The following CRPPA variants were observed in gnomAD, a reference collection of about 807,000 sequenced individuals.
The protein encoded by CRPPA is CDP-L-ribitol pyrophosphorylase A.
CRPPA carries 43 observed loss-of-function variants against 52.0 expected under a neutral mutation model. The ratio of observed to expected loss-of-function variants is 0.83; its 90% CI spans 0.65 to 1.07. The LOEUF is 1.07. Ranked by LOEUF, CRPPA falls within the 50% of genes least tolerant of loss-of-function variation. The pLI, the probability that CRPPA is intolerant of heterozygous loss-of-function variation, is 0.00. For synonymous variants in CRPPA, 250 were observed against 203.5 expected, an observed-to-expected ratio of 1.23 and a Z score of -1.94; for missense variants, 629 against 551.7, an observed-to-expected ratio of 1.14 and a Z score of -1.40.
intron 2 of CRPPA, among the ~76,000 whole-genome samples, chr7:16,401,949 C>T (rs1021482261): frequency 2.0e-5 from 3 of 151,980 alleles, no homozygotes; most frequent in African/African-American, 7.3e-5. Context: ...AGTAAAACAA[C>T]CTGATAGTTA....
At chr7:16,419,331 C>T (rs1406405914) in intron 1 of CRPPA, among the ~76,000 whole-genome samples, 2 of 152,150 alleles carry the variant, frequency 1.3e-5, no homozygotes, top group Non-Finnish European at 2.9e-5. Context: ...TCCTAACTAA[C>T]TCCATCTTGC....
intron 9 of CRPPA, among the ~76,000 whole-genome samples, chr7:16,119,441 A>G (rs951061267): frequency 4.6e-5 from 7 of 152,222 alleles, no homozygotes; most frequent in African/African-American, 1.4e-4. Context: ...ATAAAAAAAC[A>G]AACAAAAAAG....
At chr7:16,372,019 A>AT (rs1362627273) in intron 3 of CRPPA, among the ~76,000 whole-genome samples, 3 of 152,170 alleles carry the variant, frequency 2.0e-5, no homozygotes, top group African/African-American at 7.2e-5. Flanking sequence ...GTAAAAAAAA[A>AT]ATTTTAAAAA....
intron 2 of CRPPA, among the ~76,000 whole-genome samples, chr7:16,403,240 T>A (rs111264650): frequency 0.021 from 3,188 of 152,272 alleles, 48 homozygotes; most frequent in South Asian, 0.066. Flanking sequence ...CCCGAACTTA[T>A]GGAAGCCATC....
intron 9 of CRPPA, 100 bp from the exon 10 acceptor site, chr7:16,091,899 T>G (rs896160440): frequency 1.2e-4 from 74 of 640,240 alleles, no homozygotes; most frequent in South Asian, 3.4e-4. Context: ...CGGTCTGGAT[T>G]TGGCATTTTA....
intron 3 of CRPPA, among the ~76,000 whole-genome samples, chr7:16,342,798 T>TATATAGATATA (rs1491461185): frequency 6.9e-5 from 7 of 101,252 alleles, no homozygotes; most frequent in African/African-American, 4.1e-5. Context: ...TATATATATA[T>TATATAGATATA]CTATATAGAT....
At chr7:16,116,349 G>C (rs1358547052) in intron 9 of CRPPA, among the ~76,000 whole-genome samples, 1 of 152,088 alleles carries the variant, frequency 6.6e-6, no homozygotes, top group Non-Finnish European at 1.5e-5. Flanking sequence ...TTTGCCAAAA[G>C]TACAAAGTCA....
intron 6 of CRPPA, among the ~76,000 whole-genome samples, chr7:16,260,765 G>A (rs1247482834): frequency 9.9e-5 from 15 of 151,862 alleles, no homozygotes; most frequent in African/African-American, 3.6e-4. Flanking sequence ...TCTGCATGTA[G>A]AGAATGAAAA....
At chr7:16,323,059 G>C (rs1785298148) in intron 3 of CRPPA, among the ~76,000 whole-genome samples, 1 of 152,004 alleles carries the variant, frequency 6.6e-6, no homozygotes, top group African/African-American at 2.4e-5. Flanking sequence ...CTTCCACCTG[G>C]TACCGGCCTT....
At chr7:16,385,713 T>C (rs1163471137) in intron 2 of CRPPA, among the ~76,000 whole-genome samples, 1 of 152,164 alleles carries the variant, frequency 6.6e-6, no homozygotes, top group South Asian at 2.1e-4. Flanking sequence ...TAAAAGACAA[T>C]ATAAATGTAT....
chr7:16,421,082 G>A lies in CRPPA; in HGVS notation c.241C>T (p.Leu81=). ...CCGCATTACCTCTCCAGGGCCTGTA[G>A]GGTGTAGCTGATGAGCGGCCTCTCC... ...ILERPLISYT[L]QALERVCWIK... Residue 81 remains leucine, a synonymous_variant, in exon 1 of 10, where the codon CTA becomes TTA. Transcript: ENST00000407010. 1 of 1,293,794 alleles carries A rather than the reference G, an allele frequency of 7.7e-7. No individual in the cohort carries two copies. The highest frequency in any genetic ancestry group is 2.7e-5 in the South Asian group (1 of 37,470). 80.1% of individuals were successfully genotyped at this position (1,293,794 alleles called of 1,614,324 possible). A position where few individuals can be genotyped will look rare whatever the true frequency, so the allele number is the denominator to read the frequency against.
At chr7:16,200,233 AC>A (rs1260239024) in intron 9 of CRPPA, among the ~76,000 whole-genome samples, 1 of 151,990 alleles carries the variant, frequency 6.6e-6, no homozygotes, top group Non-Finnish European at 1.5e-5. Context: ...AACTTCAATC[AC>A]CTCTCAGGAG....
intron 9 of CRPPA, among the ~76,000 whole-genome samples, chr7:16,111,623 T>C (rs1442591721): frequency 2.0e-5 from 3 of 152,094 alleles, no homozygotes; most frequent in African/African-American, 4.8e-5. Flanking sequence ...TGCAACCACA[T>C]GGATGGAAGT....
At chr7:16,274,340 C>T (rs954170995) in intron 6 of CRPPA, among the ~76,000 whole-genome samples, 1 of 152,144 alleles carries the variant, frequency 6.6e-6, no homozygotes, top group African/African-American at 2.4e-5. Flanking sequence ...AGCCACCACA[C>T]CCGGCCTGTT....
chr7:16,382,245 T>A (rs1787114397), intron 2 of CRPPA, among the ~76,000 whole-genome samples: 1 of 152,170 alleles, frequency 6.6e-6, no homozygotes, highest in Admixed American at 6.5e-5. Context: ...TCTCCTTCAC[T>A]TATGAAGCTT....
At chr7:16,380,328 C>A (rs1183058492) in intron 2 of CRPPA, among the ~76,000 whole-genome samples, 2 of 151,844 alleles carry the variant, frequency 1.3e-5, no homozygotes, top group African/African-American at 4.8e-5. Context: ...CCTTGCATCC[C>A]AGGGATGAAG....
At chr7:16,368,783 T>A (rs565926872) in intron 3 of CRPPA, among the ~76,000 whole-genome samples, 8 of 152,150 alleles carry the variant, frequency 5.3e-5, no homozygotes, top group Non-Finnish European at 1.2e-4. Flanking sequence ...ACCACACTTA[T>A]AAAAATGCTG....
intron 9 of CRPPA, among the ~76,000 whole-genome samples, chr7:16,102,647 G>C (rs1199809041): frequency 6.6e-6 from 1 of 152,110 alleles, no homozygotes; most frequent in Non-Finnish European, 1.5e-5. Flanking sequence ...CGTGGGCAAA[G>C]GATATAAACA....
intron 4 of CRPPA, among the ~76,000 whole-genome samples, chr7:16,302,078 C>A (rs567259527): frequency 1.3e-5 from 2 of 152,054 alleles, no homozygotes; most frequent in Non-Finnish European, 2.9e-5. Flanking sequence ...AGGCGGATCA[C>A]GAGGTCAGGA....
Sources: gnomAD v4.1 joint callset for allele counts (sites outside exome capture counted in the v4.1 genomes callset) on GRCh38, gnomAD v4.1.1 for gene constraint, MANE v1.5 for transcripts, NCBI Gene and HGNC (gene_info 2026-07-23, HGNC 2026-07-21) for gene names.